Variants in TMPRSS11F observed in about 807,000 individuals in gnomAD.
The protein encoded by TMPRSS11F is transmembrane serine protease 11F.
Under a neutral mutation model 60.2 loss-of-function variants are expected in TMPRSS11F, and 47 were observed. The ratio of observed to expected loss-of-function variants is 0.78; its 90% confidence interval spans 0.62 to 1.00. The LOEUF (loss-of-function observed/expected upper bound fraction) is 1.00. TMPRSS11F is among the 50% of genes least tolerant of loss of function. TMPRSS11F has a pLI of 0.00. For synonymous variants in TMPRSS11F, 166 were observed against 167.3 expected (o/e 0.99, Z 0.06); for missense variants, 519 against 522.9 (o/e 0.99, Z 0.07).
At chr4:68,114,491 A>G (rs915050993) in intron 1 of TMPRSS11F, among the ~76,000 whole-genome samples, 1 of 152,090 alleles carries the variant, frequency 6.6e-6, no homozygotes, top group African/African-American at 2.4e-5. Context: ...TTTTTGAAAT[A>G]CAAAAACTTT....
intron 1 of TMPRSS11F, among the ~76,000 whole-genome samples, chr4:68,112,252 A>G (rs1229228967): frequency 6.6e-6 from 1 of 151,856 alleles, no homozygotes; most frequent in Non-Finnish European, 1.5e-5. Context: ...ATGCCCCCAC[A>G]CTTAACTGAT....
intron 3 of TMPRSS11F, among the ~76,000 whole-genome samples, chr4:68,075,392 G>A (rs1358913218): frequency 6.6e-6 from 1 of 152,050 alleles, no homozygotes; most frequent in Non-Finnish European, 1.5e-5. Flanking sequence ...GCAAACCTGA[G>A]TATATTAGAC....
chr4:68,100,849 AG>A (rs1313119483), intron 1 of TMPRSS11F, among the ~76,000 whole-genome samples: 2 of 152,198 alleles, frequency 1.3e-5, no homozygotes, highest in African/African-American at 4.8e-5. Context: ...AAAATGAAAA[AG>A]TTACTATGTA....
chr4:68,056,203 A>C (rs1203152314), intron 9 of TMPRSS11F, among the ~76,000 whole-genome samples: 1 of 152,218 alleles, frequency 6.6e-6, no homozygotes, highest in Non-Finnish European at 1.5e-5. Flanking sequence ...AAAGAAATAG[A>C]AGACATTCTA....
At chr4:68,120,225 A>T (rs1724597404) in intron 1 of TMPRSS11F, among the ~76,000 whole-genome samples, 1 of 152,204 alleles carries the variant, frequency 6.6e-6, no homozygotes, top group African/African-American at 2.4e-5. Context: ...TTTCATATCA[A>T]CACTGTTGAT....
chr4:68,106,473 C>T (rs1007554986), intron 1 of TMPRSS11F, among the ~76,000 whole-genome samples: 1 of 152,134 alleles, frequency 6.6e-6, no homozygotes, highest in East Asian at 1.9e-4. Flanking sequence ...ATAAGAAACA[C>T]TAATCAGAGG....
chr4:68,096,771 T>G (rs1012641921), intron 2 of TMPRSS11F, among the ~76,000 whole-genome samples: 1 of 152,232 alleles, frequency 6.6e-6, no homozygotes, highest in African/African-American at 2.4e-5. Context: ...ATCCTGGTGA[T>G]GTGACTTTTA....
At chr4:68,093,444 C>A (rs1221022383) in intron 2 of TMPRSS11F, among the ~76,000 whole-genome samples, 1 of 152,022 alleles carries the variant, frequency 6.6e-6, no homozygotes, top group East Asian at 1.9e-4. Flanking sequence ...CCATAAAAAC[C>A]CTAGAAGAAA....
chr4:68,104,042 T>C (rs1724249733), intron 1 of TMPRSS11F, among the ~76,000 whole-genome samples: 1 of 152,214 alleles, frequency 6.6e-6, no homozygotes, highest in Non-Finnish European at 1.5e-5. Context: ...TTAGTTCTAA[T>C]AGTGTTTTGT....
intron 1 of TMPRSS11F, 124 bp downstream of exon 1, chr4:68,129,686 A>C: frequency 1.2e-6 from 1 of 832,996 alleles, no homozygotes. Flanking sequence ...AAAATACAAT[A>C]ACACACATTA....
Position 68,068,666 on chromosome 4 carries a change from C to T in TMPRSS11F, c.707G>A (p.Ser236Asn). 1 of 1,614,178 alleles carries T rather than the reference C, an allele frequency of 6.2e-7. No homozygotes were observed. The highest frequency in any genetic ancestry group is 8.5e-7 in the Non-Finnish European group (1 of 1,180,028). The stretch of plus-strand genomic sequence containing the variant: ...GAGCAGCCATGTGTTACTGATGAGG[C>T]TGGCTCCACACTGATGGCCTGACCC... ...LIGSGHQCGA[S>N]LISNTWLLTA... Residue 236 changes from serine (S) to asparagine (N), a missense_variant, in exon 7 of 10, where the codon AGC becomes AAC. Transcript: ENST00000356291.
intron 7 of TMPRSS11F, among the ~76,000 whole-genome samples, chr4:68,067,220 TTTAAAAAC>T (rs1723348120): frequency 6.6e-6 from 1 of 152,344 alleles, no homozygotes; most frequent in East Asian, 1.9e-4. Flanking sequence ...ATCCCTTTCA[TTTAAAAAC>T]TTCTTAAAAG....
chr4:68,124,146 G>A lies in TMPRSS11F; in HGVS notation c.11+5664C>T, dbSNP rs372354449. On this transcript the variant is annotated intron_variant, in intron 1 of 9. Coordinates refer to ENST00000356291, the MANE Select transcript of TMPRSS11F (RefSeq NM_207407.2). ...TAAAGCAGGAGAATCACTTGAACCC[G>A]AGTGGCGGAGGTTGCAATGAGCCGA... 2.6e-5 allele frequency among the ~76,000 whole-genome samples: 4 copies of A among 151,670 alleles called. No individual in the cohort carries two copies. The South Asian group carries it at 8.4e-4, about 32-fold the overall frequency.
intron 2 of TMPRSS11F, among the ~76,000 whole-genome samples, chr4:68,092,436 T>TG (rs1480104615): frequency 6.6e-6 from 1 of 152,180 alleles, no homozygotes; most frequent in Admixed American, 6.5e-5. Context: ...TCTTACTTCT[T>TG]TAAAAAAATA....
At chr4:68,073,655 G>C (rs1400365274) in intron 4 of TMPRSS11F, among the ~76,000 whole-genome samples, 2 of 144,686 alleles carry the variant, frequency 1.4e-5, no homozygotes, top group East Asian at 4.1e-4. Context: ...GTTCTACTTA[G>C]CCCCTAGCTT....
chr4:68,057,282 CA>C (rs869035642), intron 9 of TMPRSS11F, among the ~76,000 whole-genome samples: 1,539 of 56,968 alleles, frequency 0.027, 16 homozygotes, highest in African/African-American at 0.071. Context: ...GAGACTGTCT[CA>C]AAAAAAAAAA....
At chr4:68,082,013 A>G (rs1723704631) in intron 3 of TMPRSS11F, among the ~76,000 whole-genome samples, 1 of 152,186 alleles carries the variant, frequency 6.6e-6, no homozygotes, top group African/African-American at 2.4e-5. Flanking sequence ...ACTGAGAGAG[A>G]CCAAAATATT....
intron 1 of TMPRSS11F, among the ~76,000 whole-genome samples, chr4:68,106,822 A>G (rs959126187): frequency 9.8e-5 from 15 of 152,386 alleles, no homozygotes; most frequent in African/African-American, 3.6e-4. Context: ...AACATATAAG[A>G]CATTTAAAGA....
chr4:68,069,062 T>A (rs919830794), intron 6 of TMPRSS11F, among the ~76,000 whole-genome samples: 1 of 152,194 alleles, frequency 6.6e-6, no homozygotes, highest in Non-Finnish European at 1.5e-5. Flanking sequence ...AAAGCATATA[T>A]AGATAATTCA....
Sources: gnomAD v4.1 joint callset for allele counts (sites outside exome capture counted in the v4.1 genomes callset) on GRCh38, gnomAD v4.1.1 for gene constraint, MANE v1.5 for transcripts, NCBI Gene and HGNC (gene_info 2026-07-23, HGNC 2026-07-21) for gene names.